Variants in ZNF678 observed in about 807,000 individuals in gnomAD.
ZNF678 encodes hypothetical protein MGC42493.
In ZNF678, 5 loss-of-function variants were observed where a neutral mutation model predicts 3.0. That is an observed-to-expected ratio of 1.69 (90% CI 0.88 to 3.56). The LOEUF (loss-of-function observed/expected upper bound fraction) is 3.56. Ranked by LOEUF, ZNF678 falls within the 30% of genes most tolerant of loss-of-function variation. ZNF678 has a pLI of 0.00. For missense variants in ZNF678, 593 were observed against 605.0 expected (o/e 0.98, Z 0.21); for synonymous variants, 218 against 199.6 (o/e 1.09, Z -0.78).
intron 1 of ZNF678, among the ~76,000 whole-genome samples, chr1:227,590,971 A>G (rs986811406): frequency 1.3e-5 from 2 of 151,746 alleles, no homozygotes; most frequent in Non-Finnish European, 2.9e-5. Flanking sequence ...TCATTCAGGA[A>G]CTGGGTCTGT....
At chr1:227,591,943 G>A (rs1043296021) in intron 1 of ZNF678, among the ~76,000 whole-genome samples, 3 of 152,144 alleles carry the variant, frequency 2.0e-5, no homozygotes, top group East Asian at 3.9e-4. Context: ...TCAGCCGTGC[G>A]TGGACCAGTC....
chr1:227,624,213 T>A (rs1486114982), intron 1 of ZNF678, among the ~76,000 whole-genome samples: 1 of 152,232 alleles, frequency 6.6e-6, no homozygotes, highest in Non-Finnish European at 1.5e-5. Context: ...ATTTTACATC[T>A]TATGTCTTCA....
intron 1 of ZNF678, among the ~76,000 whole-genome samples, chr1:227,584,042 G>A (rs1464635419): frequency 6.6e-6 from 1 of 152,178 alleles, no homozygotes; most frequent in East Asian, 1.9e-4. Flanking sequence ...ATTTTCCAAG[G>A]TTGTGGAGGT....
intron 1 of ZNF678, among the ~76,000 whole-genome samples, chr1:227,626,149 A>G (rs1658407430): frequency 6.6e-6 from 1 of 152,184 alleles, no homozygotes; most frequent in African/African-American, 2.4e-5. Context: ...GAGAACAGTA[A>G]AGAGAAAAAT....
At chr1:227,633,158 A>G (rs1036436757) in intron 1 of ZNF678, among the ~76,000 whole-genome samples, 6 of 152,222 alleles carry the variant, frequency 3.9e-5, no homozygotes, top group African/African-American at 1.4e-4. Flanking sequence ...TGGGCCTGGC[A>G]TGGCGGCAAT....
intron 1 of ZNF678, among the ~76,000 whole-genome samples, chr1:227,601,803 C>A (rs970253005): frequency 6.6e-6 from 1 of 152,002 alleles, no homozygotes; most frequent in Admixed American, 6.5e-5. Context: ...GACCTCGTGA[C>A]CTGCCTGCCT....
chr1:227,679,518 C>G (rs1659732873), downstream of ZNF678, among the ~76,000 whole-genome samples: 1 of 151,378 alleles, frequency 6.6e-6, no homozygotes, highest in Non-Finnish European at 1.5e-5. Context: ...CACGTACCCC[C>G]TGCTTGCTCA....
intron 1 of ZNF678, among the ~76,000 whole-genome samples, chr1:227,612,793 A>AT (rs1658052347): frequency 6.6e-6 from 1 of 152,070 alleles, no homozygotes; most frequent in African/African-American, 2.4e-5. Flanking sequence ...AGTTCATTTT[A>AT]TTGCCCACCC....
At chr1:227,647,068 C>T (rs1658978121) in intron 2 of ZNF678, among the ~76,000 whole-genome samples, 1 of 151,720 alleles carries the variant, frequency 6.6e-6, no homozygotes, top group Non-Finnish European at 1.5e-5. Flanking sequence ...GCCTGGCTAA[C>T]ATGGTGAAAC....
chr1:227,643,244 T>G (rs574397504), intron 1 of ZNF678, among the ~76,000 whole-genome samples: 1 of 152,302 alleles, frequency 6.6e-6, no homozygotes, highest in African/African-American at 2.4e-5. Flanking sequence ...GCTTTTACCT[T>G]CTTAGGAATA....
At chr1:227,676,034 T>C (rs529000074) in intron 5 of ZNF678, among the ~76,000 whole-genome samples, 1 of 152,266 alleles carries the variant, frequency 6.6e-6, no homozygotes, top group East Asian at 1.9e-4. Flanking sequence ...CAAAATGAAA[T>C]TGGAGACTGG....
intron 1 of ZNF678, among the ~76,000 whole-genome samples, chr1:227,646,064 A>G (rs1400707200): frequency 6.6e-6 from 1 of 152,226 alleles, no homozygotes; most frequent in Admixed American, 6.5e-5. Flanking sequence ...GTTTGGCAGA[A>G]TATTCTTCTT....
In ZNF678 at chr1:227,657,494, G is replaced by T. The variant is rs1469758998; in HGVS notation, c.*1666G>T. ...CAATGATACTCTTATATAATCTTCA[G>T]TATAACCATTATAATTGCCCACTAT... On this transcript the variant is annotated 3_prime_UTR_variant, in exon 4 of 4. Transcript: ENST00000343776. 1 of 151,690 alleles carries T rather than the reference G, an allele frequency of 6.6e-6. No individual in the cohort carries two copies. The highest frequency in any genetic ancestry group is 2.4e-5 in the African/African-American group (1 of 41,312). The allele number at this position is 151,690 out of a possible 1,614,324, so 9.4% of individuals were successfully genotyped here. A position where few individuals can be genotyped will look rare whatever the true frequency, so the allele number is the denominator to read the frequency against.
chr1:227,663,932 C>T (rs1438778801), downstream of ZNF678, among the ~76,000 whole-genome samples: 1 of 152,206 alleles, frequency 6.6e-6, no homozygotes, highest in Non-Finnish European at 1.5e-5. Context: ...TGCTCGGTGG[C>T]ATGGTATACC....
At chr1:227,603,101 G>A (rs1301394305) in intron 1 of ZNF678, among the ~76,000 whole-genome samples, 2 of 152,182 alleles carry the variant, frequency 1.3e-5, no homozygotes, top group East Asian at 1.9e-4. Flanking sequence ...CCTCTTGCAG[G>A]TACTGCCTGG....
At chr1:227,625,209 T>G (rs1658379614) in intron 1 of ZNF678, among the ~76,000 whole-genome samples, 1 of 152,156 alleles carries the variant, frequency 6.6e-6, no homozygotes, top group Non-Finnish European at 1.5e-5. Context: ...GTGGGTGCGG[T>G]CACCCTCCCT....
downstream of ZNF678, among the ~76,000 whole-genome samples, chr1:227,664,934 T>G (rs1659477785): frequency 6.6e-6 from 1 of 152,174 alleles, no homozygotes; most frequent in Non-Finnish European, 1.5e-5. Flanking sequence ...CTGGACGCAG[T>G]CAGGGCCCCA....
At chr1:227,667,005 A>G (rs1382717364), downstream of ZNF678, among the ~76,000 whole-genome samples, 1 of 150,714 alleles carries the variant, frequency 6.6e-6, no homozygotes. Context: ...TCGGCCTCCC[A>G]AAGTGCTGGG....
intron 1 of ZNF678, among the ~76,000 whole-genome samples, chr1:227,612,513 C>A (rs1454745724): frequency 6.6e-6 from 1 of 152,172 alleles, no homozygotes; most frequent in Non-Finnish European, 1.5e-5. Context: ...TCTAGACTCA[C>A]ACCAGTAAGA....
Sources: allele counts gnomAD v4.1 joint callset (sites outside exome capture counted in the v4.1 genomes callset), GRCh38; gene constraint gnomAD v4.1.1; transcripts MANE v1.5; gene names NCBI Gene and HGNC (gene_info 2026-07-23, HGNC 2026-07-21).